ZFAND3: variants seen among roughly 807,000 people sequenced by gnomAD.
The protein encoded by ZFAND3 is AN1-type zinc finger protein 3.
In ZFAND3, 10 loss-of-function variants were observed where a neutral mutation model predicts 29.6. That is an observed-to-expected ratio of 0.34 (90% confidence interval 0.21 to 0.57). ZFAND3 has a LOEUF of 0.57. ZFAND3 is among the 20% of genes least tolerant of loss of function. The pLI is 0.86. For synonymous variants in ZFAND3, 128 were observed against 112.6 expected (o/e 1.14, Z -0.87); for missense variants, 230 against 304.5 (o/e 0.76, Z 1.82).
In ZFAND3 at chr6:38,152,107, C is replaced by T. The variant is rs963093157; in HGVS notation, c.530-128C>T. Reference sequence around the variant, plus strand: ...AGTGAGCTCTCTGCTGCATCAGGAACCCCTGCAGTGAGTGTTGTCCACTCA... The same window carrying T: ...AGTGAGCTCTCTGCTGCATCAGGAATCCCTGCAGTGAGTGTTGTCCACTCA... On this transcript the variant is annotated intron_variant, in intron 5 of 5. Coordinates refer to ENST00000287218, the MANE Select transcript of ZFAND3 (RefSeq NM_021943.3). 1.0e-5 allele frequency: 9 copies of T among 872,970 alleles called. No homozygotes were observed. In the African/African-American group the frequency reaches 1.5e-4, roughly 15 times the overall value. The allele number at this position is 872,970 out of a possible 1,614,324, so 54.1% of individuals were successfully genotyped here. A position where few individuals can be genotyped will look rare whatever the true frequency, so the allele number is the denominator to read the frequency against.
chr6:37,985,525 A>ACACACACC (rs1554164918), intron 2 of ZFAND3, among the ~76,000 whole-genome samples: 4 of 147,680 alleles, frequency 2.7e-5, no homozygotes, highest in South Asian at 4.3e-4. Context: ...ACACACACAC[A>ACACACACC]CACCCCCACA....
intron 1 of ZFAND3, among the ~76,000 whole-genome samples, chr6:37,904,881 G>A (rs891202600): frequency 6.6e-6 from 1 of 152,096 alleles, no homozygotes; most frequent in Non-Finnish European, 1.5e-5. Context: ...ACTATTTGGG[G>A]TTAGATTGTC....
chr6:37,966,367 A>G (rs1161356928), intron 2 of ZFAND3, among the ~76,000 whole-genome samples: 2 of 152,206 alleles, frequency 1.3e-5, no homozygotes, highest in Non-Finnish European at 2.9e-5. Flanking sequence ...ATTTTCAGTT[A>G]AAAAGCACAT....
intron 1 of ZFAND3, among the ~76,000 whole-genome samples, chr6:37,902,657 CT>C (rs1389984949): frequency 1.3e-5 from 2 of 150,842 alleles, no homozygotes; most frequent in Non-Finnish European, 3.0e-5. Context: ...ATCCCATTTC[CT>C]TTTTTAAAAA....
chr6:37,886,556 T>TG (rs2127394432), intron 1 of ZFAND3, among the ~76,000 whole-genome samples: 1 of 152,322 alleles, frequency 6.6e-6, no homozygotes, highest in Non-Finnish European at 1.5e-5. Flanking sequence ...AGTCATATCA[T>TG]GGAAAGGACC....
At chr6:37,912,317 G>C (rs180942208) in intron 1 of ZFAND3, among the ~76,000 whole-genome samples, 2 of 152,196 alleles carry the variant, frequency 1.3e-5, no homozygotes, top group Non-Finnish European at 2.9e-5. Context: ...TTAAGATTGT[G>C]AAATGGCATC....
chr6:37,855,026 G>A (rs1309434103), intron 1 of ZFAND3, among the ~76,000 whole-genome samples: 1 of 119,142 alleles, frequency 8.4e-6, no homozygotes, highest in African/African-American at 3.1e-5. Context: ...TGGTATGGTT[G>A]CTCACTAATT....
intron 2 of ZFAND3, among the ~76,000 whole-genome samples, chr6:37,955,512 G>T (rs1444881033): frequency 1.3e-5 from 2 of 152,184 alleles, no homozygotes. Context: ...AAGTGATGGA[G>T]CACCCCAGGA....
intron 2 of ZFAND3, among the ~76,000 whole-genome samples, chr6:37,992,715 A>T (rs770443736): frequency 2.0e-5 from 3 of 152,106 alleles, no homozygotes; most frequent in Non-Finnish European, 4.4e-5. Context: ...TGCCCCTCAA[A>T]TGTTTTTTAT....
chr6:38,014,333 T>A (rs2842528), intron 2 of ZFAND3, among the ~76,000 whole-genome samples: 61,278 of 144,944 alleles, frequency 0.42, 13,322 homozygotes, highest in African/African-American at 0.56. Context: ...TATTATTATT[T>A]TTTTTTTTTT....
At chr6:38,124,237 A>G (rs190353357) in intron 5 of ZFAND3, among the ~76,000 whole-genome samples, 1 of 152,228 alleles carries the variant, frequency 6.6e-6, no homozygotes, top group Non-Finnish European at 1.5e-5. Flanking sequence ...CCAAGTCCCC[A>G]CTAGACTCAG....
intron 2 of ZFAND3, among the ~76,000 whole-genome samples, chr6:38,055,095 T>TA (rs1764108392): frequency 6.6e-6 from 1 of 152,218 alleles, no homozygotes; most frequent in African/African-American, 2.4e-5. Context: ...GAGACCTTTA[T>TA]ACAGTGCCTT....
At chr6:38,144,221 A>ATTTTTTTTTT in intron 5 of ZFAND3, among the ~76,000 whole-genome samples, 1 of 70,052 alleles carries the variant, frequency 1.4e-5, no homozygotes, top group East Asian at 3.8e-4. Flanking sequence ...AATATATAAT[A>ATTTTTTTTTT]TATATATATA....
intron 2 of ZFAND3, among the ~76,000 whole-genome samples, chr6:37,986,210 C>T (rs910248794): frequency 2.0e-5 from 3 of 151,954 alleles, no homozygotes; most frequent in African/African-American, 7.3e-5. Context: ...TAGATATTGC[C>T]CATTAGACTG....
At chr6:38,082,510 G>C (rs1764683244) in intron 4 of ZFAND3, 53 bp downstream of exon 4, 1 of 1,552,062 alleles carries the variant, frequency 6.4e-7, no homozygotes. Context: ...CTTCACAGAA[G>C]TTAGCAACTG....
intron 2 of ZFAND3, among the ~76,000 whole-genome samples, chr6:37,977,926 GTTCTTCCT>G (rs371426504): frequency 0.089 from 9,504 of 106,838 alleles, 381 homozygotes; most frequent in Middle Eastern, 0.11. Flanking sequence ...CCTTTCTTCC[GTTCTTCCT>G]TTCTTCCTTT....
At chr6:37,860,213 C>T (rs1035163080) in intron 1 of ZFAND3, among the ~76,000 whole-genome samples, 8 of 136,930 alleles carry the variant, frequency 5.8e-5, no homozygotes, top group African/African-American at 2.2e-4. Flanking sequence ...TACCTGTAAA[C>T]CCAAAAGGAC....
chr6:37,995,332 T>C (rs951613830), intron 2 of ZFAND3, among the ~76,000 whole-genome samples: 5 of 152,176 alleles, frequency 3.3e-5, no homozygotes, highest in Non-Finnish European at 5.9e-5. Flanking sequence ...CTTAACTGTT[T>C]TCAAGCACTA....
At chr6:38,023,512 ATGACTAT>A (rs1485709003) in intron 2 of ZFAND3, among the ~76,000 whole-genome samples, 1 of 152,208 alleles carries the variant, frequency 6.6e-6, no homozygotes, top group Non-Finnish European at 1.5e-5. Context: ...CATGTTGTGT[ATGACTAT>A]GTAATTTTTA....
Sources: gnomAD v4.1 joint callset for allele counts (sites outside exome capture counted in the v4.1 genomes callset) on GRCh38, gnomAD v4.1.1 for gene constraint, MANE v1.5 for transcripts, NCBI Gene and HGNC (gene_info 2026-07-23, HGNC 2026-07-21) for gene names.